IGF2BP2: variants seen among roughly 807,000 people sequenced by gnomAD.
The protein encoded by IGF2BP2 is insulin-like growth factor 2 mRNA-binding protein 2.
Under a neutral mutation model 75.8 loss-of-function variants are expected in IGF2BP2, and 17 were observed. That is an observed-to-expected ratio of 0.22 (90% CI 0.15 to 0.34). The LOEUF (loss-of-function observed/expected upper bound fraction) is 0.34, where lower values mean the gene tolerates loss of function less well. Among genes scored for constraint, IGF2BP2 ranks in the 10% least tolerant of loss-of-function variants. The pLI is 1.00. For synonymous variants in IGF2BP2, 288 were observed against 295.6 expected (o/e 0.97, Z 0.26); for missense variants, 516 against 772.4 (o/e 0.67, Z 3.93).
At chr3:185,739,086 T>C (rs1229301746) in intron 2 of IGF2BP2, among the ~76,000 whole-genome samples, 1 of 152,210 alleles carries the variant, frequency 6.6e-6, no homozygotes, top group Non-Finnish European at 1.5e-5. Flanking sequence ...TTTATATGTG[T>C]TTTCACATAT....
chr3:185,808,144 GAAAGAAAGAAAC>G (rs1179990206), intron 2 of IGF2BP2, among the ~76,000 whole-genome samples: 2 of 147,496 alleles, frequency 1.4e-5, no homozygotes, highest in Non-Finnish European at 3.0e-5. Context: ...AAGAAAGAAA[GAAAGAAAGAAAC>G]AAACAAACAA....
At chr3:185,713,376 A>G in intron 2 of IGF2BP2, 7 of 519,572 alleles carry the variant, frequency 1.3e-5, no homozygotes, top group South Asian at 9.8e-5. Context: ...GGTGAGGAAA[A>G]CTTAAGGCAT....
intron 1 of IGF2BP2, 59 bp from the exon 2 acceptor site, chr3:185,823,272 A>AGG (rs982362818): frequency 2.2e-6 from 3 of 1,358,830 alleles, no homozygotes; most frequent in Admixed American, 4.0e-5. Flanking sequence ...GCGGGGGTCT[A>AGG]GGGGGGGCAC....
intron 2 of IGF2BP2, among the ~76,000 whole-genome samples, chr3:185,729,104 C>T (rs938832631): frequency 9.5e-5 from 14 of 146,910 alleles, no homozygotes; most frequent in African/African-American, 3.0e-4. Flanking sequence ...AAGATTACTG[C>T]TTTTTTTTTT....
intron 2 of IGF2BP2, chr3:185,821,084 C>G (rs1355914233): frequency 1.3e-6 from 2 of 1,534,878 alleles, no homozygotes; most frequent in East Asian, 4.9e-5. Flanking sequence ...TCCCTGAAGT[C>G]TGATCTCAGT....
At chr3:185,683,178 A>T (rs1248950716) in intron 7 of IGF2BP2, among the ~76,000 whole-genome samples, 1 of 152,206 alleles carries the variant, frequency 6.6e-6, no homozygotes, top group African/African-American at 2.4e-5. Context: ...AAAGTAAAAT[A>T]AGCCAGTCAC....
At chr3:185,671,009 G>A (rs1718423217) in intron 10 of IGF2BP2, among the ~76,000 whole-genome samples, 1 of 152,210 alleles carries the variant, frequency 6.6e-6, no homozygotes, top group African/African-American at 2.4e-5. Flanking sequence ...CCCAAGAAAT[G>A]ATGATGTGCC....
At chr3:185,808,340 T>C (rs1578379424) in intron 2 of IGF2BP2, among the ~76,000 whole-genome samples, 1 of 150,202 alleles carries the variant, frequency 6.7e-6, no homozygotes, top group Non-Finnish European at 1.5e-5. Flanking sequence ...ATTAGCTGAG[T>C]GTGGTGGCAG....
At chr3:185,650,106 T>A (rs1577800427) in intron 13 of IGF2BP2, among the ~76,000 whole-genome samples, 2 of 149,878 alleles carry the variant, frequency 1.3e-5, no homozygotes, top group Non-Finnish European at 3.0e-5. Context: ...TTTTTTTTTT[T>A]AGAGATGAGG....
rs1313786320 is a variant in IGF2BP2, at chr3:185,779,093, T to G, written c.239+44060A>C. 8.6e-5 allele frequency among the ~76,000 whole-genome samples: 13 copies of G among 151,928 alleles called. No homozygotes were observed. The East Asian group carries it at 2.3e-3, about 27-fold the overall frequency. ...TATGGAACAAAGCTTTTTTTTTTTT[T>G]GCAGTTATTTTTAAACTTCTAAAAA... On this transcript the variant is annotated intron_variant, in intron 2 of 15. Transcript: ENST00000382199.
At chr3:185,804,992 CAAAAAA>C (rs35121167) in intron 2 of IGF2BP2, among the ~76,000 whole-genome samples, 3 of 114,588 alleles carry the variant, frequency 2.6e-5, no homozygotes, top group African/African-American at 9.2e-5. Flanking sequence ...GACTCCGTCT[CAAAAAA>C]AAAAAAAAAA....
intron 2 of IGF2BP2, among the ~76,000 whole-genome samples, chr3:185,711,377 T>A (rs1180968566): frequency 6.6e-6 from 1 of 152,198 alleles, no homozygotes; most frequent in African/African-American, 2.4e-5. Flanking sequence ...GTGAACCTGA[T>A]GAATGAATGA....
intron 10 of IGF2BP2, among the ~76,000 whole-genome samples, chr3:185,672,293 T>C (rs1340905010): frequency 6.6e-6 from 1 of 152,236 alleles, no homozygotes; most frequent in Admixed American, 6.5e-5. Context: ...GAATTTGCTA[T>C]GAGTTTCTTT....
intron 2 of IGF2BP2, among the ~76,000 whole-genome samples, chr3:185,754,654 G>A (rs984175251): frequency 1.3e-5 from 2 of 152,172 alleles, no homozygotes; most frequent in African/African-American, 4.8e-5. Context: ...TAGAGATATG[G>A]ACAGTGAAGT....
At chr3:185,646,310 C>G (rs1713538858) in intron 15 of IGF2BP2, among the ~76,000 whole-genome samples, 1 of 152,168 alleles carries the variant, frequency 6.6e-6, no homozygotes, top group African/African-American at 2.4e-5. Context: ...AGTGTGGCAG[C>G]TGCCCTTTCC....
intron 2 of IGF2BP2, among the ~76,000 whole-genome samples, chr3:185,799,456 A>T (rs1737886273): frequency 6.6e-6 from 1 of 152,068 alleles, no homozygotes; most frequent in South Asian, 2.1e-4. Flanking sequence ...GATCATTAAA[A>T]AGTCAGGAAA....
intron 2 of IGF2BP2, chr3:185,722,569 CAG>C: frequency 4.0e-6 from 1 of 250,338 alleles, no homozygotes; most frequent in Non-Finnish European, 7.8e-6. Flanking sequence ...AAGGTGGAAA[CAG>C]GGAAGGTAAA....
chr3:185,651,274 G>C lies in IGF2BP2; in HGVS notation c.1461+820C>G, dbSNP rs555165976. On this transcript the variant is annotated intron_variant, in intron 13 of 15. Coordinates refer to ENST00000382199, the MANE Select transcript of IGF2BP2 (RefSeq NM_006548.6). ...GTGATGGTCACCCATGTTGCACCAT[G>C]CATCAGTACTTCATTCCTTTCTGTG... 1.2e-3 allele frequency among the ~76,000 whole-genome samples: 183 copies of C among 152,322 alleles called. 1 individual carries two copies. Among genetic ancestry groups the C allele is most frequent in the African/African-American group, 3.8e-3 (160 of 41,564 alleles).
chr3:185,652,639 C>A (rs1714789302), intron 12 of IGF2BP2, among the ~76,000 whole-genome samples: 1 of 152,180 alleles, frequency 6.6e-6, no homozygotes, highest in Admixed American at 6.5e-5. Context: ...GGGTAGTCAG[C>A]TGGAAGTGAC....
Sources: gnomAD v4.1 joint callset for allele counts (sites outside exome capture counted in the v4.1 genomes callset) on GRCh38, gnomAD v4.1.1 for gene constraint, MANE v1.5 for transcripts, NCBI Gene and HGNC (gene_info 2026-07-23, HGNC 2026-07-21) for gene names.